Variants in LAMP3 observed in about 807,000 individuals in gnomAD.
LAMP3 encodes lysosome-associated membrane glycoprotein 3.
A neutral mutation model predicts 34.8 loss-of-function variants in LAMP3; 26 were observed. That is an observed-to-expected ratio of 0.75 (90% CI 0.55 to 1.04). The LOEUF (loss-of-function observed/expected upper bound fraction) is 1.04, where lower values mean the gene tolerates loss of function less well. LAMP3 is among the 50% of genes least tolerant of loss of function. LAMP3 has a pLI of 0.00. For synonymous variants in LAMP3, 180 were observed against 201.9 expected, an observed-to-expected ratio of 0.89 and a Z score of 0.92; for missense variants, 495 against 524.0, an observed-to-expected ratio of 0.94 and a Z score of 0.54.
intron 5 of LAMP3, among the ~76,000 whole-genome samples, chr3:183,127,075 T>C (rs1345973838): frequency 1.3e-5 from 2 of 152,226 alleles, no homozygotes; most frequent in African/African-American, 4.8e-5. Flanking sequence ...ACATTATCTA[T>C]TGATACTGTT....
intron 3 of LAMP3, among the ~76,000 whole-genome samples, chr3:183,146,756 G>A (rs1720455104): frequency 1.3e-5 from 2 of 151,792 alleles, no homozygotes; most frequent in South Asian, 4.2e-4. Context: ...TTGAACTCTT[G>A]GCCTCAGGTG....
intron 5 of LAMP3, chr3:183,131,913 C>G: frequency 1.0e-6 from 1 of 985,136 alleles, no homozygotes; most frequent in Non-Finnish European, 1.2e-6. Context: ...TATCAACCGT[C>G]CCCCATCAGG....
chr3:183,161,573 T>C (rs1427932558), intron 1 of LAMP3, among the ~76,000 whole-genome samples: 1 of 151,922 alleles, frequency 6.6e-6, no homozygotes, highest in Admixed American at 6.6e-5. Context: ...GTATTTTTAG[T>C]AGAGGCGGGG....
intron 4 of LAMP3, among the ~76,000 whole-genome samples, chr3:183,136,180 T>C (rs1481611340): frequency 6.6e-6 from 1 of 151,692 alleles, no homozygotes; most frequent in East Asian, 1.9e-4. Flanking sequence ...GGGGACAGAG[T>C]GGGTGGGAAC....
chr3:183,144,469 CA>C (rs1278774152), intron 3 of LAMP3, among the ~76,000 whole-genome samples: 1 of 151,532 alleles, frequency 6.6e-6, no homozygotes, highest in Non-Finnish European at 1.5e-5. Flanking sequence ...GGGAATTTCA[CA>C]GGGTGATGAT....
chr3:183,139,992 A>G (rs1179566942), intron 4 of LAMP3, among the ~76,000 whole-genome samples: 1 of 152,236 alleles, frequency 6.6e-6, no homozygotes, highest in African/African-American at 2.4e-5. Context: ...GTTGCCAATC[A>G]TGATCTCTGA....
chr3:183,131,835 C>T, intron 5 of LAMP3: 1 of 710,814 alleles, frequency 1.4e-6, no homozygotes. Context: ...ATGAAAAACC[C>T]CCATCAATGT....
rs191555647 is a variant in LAMP3 at position 183,157,345 on chromosome 3, G to A, written c.50-2954C>T. Among the ~76,000 whole-genome samples, 8 of 152,266 alleles carry A rather than the reference G, an allele frequency of 5.3e-5. No homozygotes were observed. The East Asian group carries it at 9.6e-4, about 18-fold the overall frequency. ...ACAAACTTTTGTAAAATCCCTGCAC[G>A]TAGAACTTTTATGCCCATGTCATGG... is the stretch of plus-strand genomic sequence containing the variant. On this transcript the variant is annotated intron_variant, in intron 1 of 5. Transcript: ENST00000265598.
At chr3:183,124,724 C>T (rs1215857375) in intron 5 of LAMP3, among the ~76,000 whole-genome samples, 3 of 152,046 alleles carry the variant, frequency 2.0e-5, no homozygotes, top group East Asian at 1.9e-4. Context: ...CCCAGCTACT[C>T]GGGAGGCTGA....
Position 183,152,541 on chromosome 3 carries a change from G to A in LAMP3, c.760-38C>T, listed in dbSNP as rs768795439. 2.2e-5 allele frequency: 35 copies of A among 1,567,464 alleles called. 1 individual carries two copies. The highest frequency in any genetic ancestry group is 2.0e-5 in the Non-Finnish European group (23 of 1,158,310). ...AGATAGATCAGCTAAATGAGATGTA[G>A]AGGAAAACTCTAGCTAGGGAACCAG... On this transcript the variant is annotated intron_variant, in intron 2 of 5. Transcript: ENST00000265598.
At chr3:183,135,632 T>G in intron 5 of LAMP3, 85 bp downstream of exon 5, 3 of 1,281,452 alleles carry the variant, frequency 2.3e-6, no homozygotes, top group Non-Finnish European at 2.2e-6. Context: ...GCTTGCTCCT[T>G]CGACAGCTGC....
In LAMP3 at chr3:183,153,801, G is replaced by T. The variant is rs141320216; in HGVS notation, c.640C>A (p.Pro214Thr). 28 of 1,592,508 alleles carry T rather than the reference G, an allele frequency of 1.8e-5. No homozygotes were observed. The highest frequency in any genetic ancestry group is 3.3e-4 in the Middle Eastern group (2 of 5,982). The part of the protein sequence containing the change: ...TAAPASTVPG[P>T]TLAPQPSSVK... ...GACGATGGCTGAGGTGCAAGGGTGG[G>T]CCCAGGAACCGTGGAGGCAGGTGCA... The change falls in exon 2 of 6, where the codon CCC (proline) becomes ACC (threonine). Residue 214 changes from proline to threonine, a missense_variant. Physicochemically the swap from Pro to Thr is conservative, Grantham distance 38 (BLOSUM62 -1). Transcript: ENST00000265598.
At chr3:183,148,830 C>G (rs1247917349) in intron 3 of LAMP3, among the ~76,000 whole-genome samples, 1 of 152,210 alleles carries the variant, frequency 6.6e-6, no homozygotes, top group East Asian at 1.9e-4. Context: ...ATCTTGCAAT[C>G]CAACTGCTAG....
chr3:183,134,167 T>C (rs922295356), intron 5 of LAMP3, among the ~76,000 whole-genome samples: 15 of 152,210 alleles, frequency 9.9e-5, no homozygotes, highest in African/African-American at 2.9e-4. Flanking sequence ...GTTGAGTTGA[T>C]ACGGTGACAG....
intron 3 of LAMP3, among the ~76,000 whole-genome samples, chr3:183,146,318 G>T (rs1013122131): frequency 6.6e-6 from 1 of 152,152 alleles, no homozygotes; most frequent in African/African-American, 2.4e-5. Context: ...TTGCTGTTGA[G>T]AAGTGCTGGT....
intron 3 of LAMP3, among the ~76,000 whole-genome samples, chr3:183,142,147 G>T (rs926993305): frequency 2.6e-5 from 4 of 152,032 alleles, no homozygotes; most frequent in Non-Finnish European, 5.9e-5. Flanking sequence ...ATTTATTTGG[G>T]GCATTTTTAA....
At chr3:183,144,625 CA>C (rs1308203200) in intron 3 of LAMP3, among the ~76,000 whole-genome samples, 1 of 152,196 alleles carries the variant, frequency 6.6e-6, no homozygotes, top group Non-Finnish European at 1.5e-5. Flanking sequence ...AGGGTGTCAA[CA>C]CTTGAACACT....
chr3:183,134,140 A>G (rs1720010472), intron 5 of LAMP3, among the ~76,000 whole-genome samples: 1 of 152,210 alleles, frequency 6.6e-6, no homozygotes, highest in Admixed American at 6.5e-5. Context: ...TTGAAGTGCA[A>G]AGACTAAGAA....
chr3:183,148,479 T>C (rs200294597), intron 3 of LAMP3, among the ~76,000 whole-genome samples: 1 of 152,126 alleles, frequency 6.6e-6, no homozygotes, highest in East Asian at 1.9e-4. Flanking sequence ...CAGTAAAATA[T>C]CTAATAATTT....
Sources: gnomAD v4.1 joint callset for allele counts (sites outside exome capture counted in the v4.1 genomes callset) on GRCh38, gnomAD v4.1.1 for gene constraint, MANE v1.5 for transcripts, NCBI Gene and HGNC (gene_info 2026-07-23, HGNC 2026-07-21) for gene names.